The following ZFHX3 variants were observed in gnomAD, a reference collection of about 807,000 sequenced individuals.
ZFHX3 encodes the protein zinc finger homeobox protein 3.
In ZFHX3, 42 loss-of-function variants were observed where a neutral mutation model predicts 279.1. The observed-to-expected ratio is 0.15, with a 90% CI of 0.12 to 0.19. The LOEUF (loss-of-function observed/expected upper bound fraction) is 0.19. Among genes scored for constraint, ZFHX3 ranks in the 10% least tolerant of loss-of-function variants. ZFHX3 has a pLI of 1.00. For synonymous variants in ZFHX3, 2,293 were observed against 1,957.8 expected (o/e 1.17, Z -4.52); for missense variants, 4,981 against 4,754.0 (o/e 1.05, Z -1.40).
intron 5 of ZFHX3, among the ~76,000 whole-genome samples, chr16:73,244,896 C>T (rs530731970): frequency 4.6e-5 from 7 of 152,302 alleles, no homozygotes; most frequent in African/African-American, 1.7e-4. Flanking sequence ...ATGTGACATC[C>T]CCTTTCCCAG....
intron 5 of ZFHX3, among the ~76,000 whole-genome samples, chr16:73,237,913 A>G (rs9932514): frequency 0.19 from 29,005 of 151,908 alleles, 4,779 homozygotes; most frequent in East Asian, 0.45. Context: ...GCTGGTCTAC[A>G]TTTGTACTAT....
chr16:73,809,198 G>T (rs532753432), intron 1 of ZFHX3: 3 of 152,292 alleles, frequency 2.0e-5, no homozygotes, highest in African/African-American at 7.2e-5. Flanking sequence ...GGAATTAAAA[G>T]CCCGCTTTAA....
At chr16:73,847,228 G>A (rs1253381027) in intron 1 of ZFHX3, among the ~76,000 whole-genome samples, 2 of 152,204 alleles carry the variant, frequency 1.3e-5, no homozygotes, top group Non-Finnish European at 2.9e-5. Context: ...TCAAACCCAG[G>A]AGGCAGAGGT....
intron 8 of ZFHX3, among the ~76,000 whole-genome samples, chr16:73,069,834 C>T (rs1965800967): frequency 6.6e-6 from 1 of 152,184 alleles, no homozygotes. Context: ...ATGGTATATC[C>T]TGTCAATCCA....
chr16:73,689,837 T>A (rs543065910), intron 1 of ZFHX3, among the ~76,000 whole-genome samples: 1 of 151,908 alleles, frequency 6.6e-6, no homozygotes, highest in African/African-American at 2.4e-5. Flanking sequence ...TTGTTGTTGT[T>A]TTTTTGAGAT....
intron 4 of ZFHX3, among the ~76,000 whole-genome samples, chr16:73,265,078 C>CGTGT (rs72075949): frequency 0.092 from 13,364 of 145,808 alleles, 952 homozygotes; most frequent in East Asian, 0.43. Context: ...CGCATATATG[C>CGTGT]GTGTGTGTGT....
intron 2 of ZFHX3, among the ~76,000 whole-genome samples, chr16:73,675,512 G>A (rs2052945496): frequency 6.6e-6 from 1 of 151,970 alleles, no homozygotes; most frequent in African/African-American, 2.4e-5. Flanking sequence ...ATATACCCCA[G>A]TAAAGTGCTG....
chr16:73,146,748 C>T (rs916340340), intron 5 of ZFHX3, among the ~76,000 whole-genome samples: 1 of 152,094 alleles, frequency 6.6e-6, no homozygotes, highest in African/African-American at 2.4e-5. Flanking sequence ...CTTGACCTCC[C>T]AGGCTCAAGC....
intron 2 of ZFHX3, among the ~76,000 whole-genome samples, chr16:73,510,713 A>G (rs956755335): frequency 6.6e-6 from 1 of 152,268 alleles, no homozygotes; most frequent in African/African-American, 2.4e-5. Context: ...ACAGCAGCTC[A>G]GATTTCTCTT....
chr16:73,360,874 T>A (rs955286845), intron 3 of ZFHX3, among the ~76,000 whole-genome samples: 4 of 152,076 alleles, frequency 2.6e-5, no homozygotes, highest in African/African-American at 9.7e-5. Flanking sequence ...CACTGTTTTT[T>A]CTAATGGAAC....
intron 3 of ZFHX3, among the ~76,000 whole-genome samples, chr16:73,365,004 C>T (rs2016506011): frequency 1.3e-5 from 2 of 152,296 alleles, no homozygotes; most frequent in South Asian, 2.1e-4. Flanking sequence ...TGCCATGTGC[C>T]CTTGGGGCAT....
chr16:73,819,378 G>C (rs1960670134), intron 1 of ZFHX3, among the ~76,000 whole-genome samples: 1 of 151,106 alleles, frequency 6.6e-6, no homozygotes, highest in African/African-American at 2.4e-5. Flanking sequence ...AGAGTCAAAA[G>C]TTACAGCAGG....
intron 3 of ZFHX3, among the ~76,000 whole-genome samples, chr16:72,898,746 C>A (rs1233135098): frequency 9.0e-4 from 115 of 128,010 alleles, no homozygotes; most frequent in African/African-American, 1.0e-3. Flanking sequence ...AACCCTGTCT[C>A]AAAAAAAAAA....
At chr16:72,935,462 C>T (rs145094804) in intron 3 of ZFHX3, among the ~76,000 whole-genome samples, 300 of 152,254 alleles carry the variant, frequency 2.0e-3, no homozygotes, top group Middle Eastern at 0.01. Flanking sequence ...GTCTTTTGGC[C>T]GGGTGCGGTA....
intron 4 of ZFHX3, among the ~76,000 whole-genome samples, chr16:73,260,237 A>G (rs913395625): frequency 1.3e-5 from 2 of 152,170 alleles, no homozygotes; most frequent in Non-Finnish European, 2.9e-5. Flanking sequence ...CGTTATGTGC[A>G]CCATATGTCA....
chr16:72,957,886 T>C lies in ZFHX3; in HGVS notation c.2260A>G (p.Met754Val), dbSNP rs756876389. ...HMQSDKHLNNMQNLQNGGGEQ... is the reference protein window; with the variant it reads ...HMQSDKHLNNVQNLQNGGGEQ... Reference sequence around the variant, plus strand: ...CCCCCTCCATTCTGCAGGTTCTGCATGTTGTTGAGATGCTTGTCAGACTGC... The same window carrying C: ...CCCCCTCCATTCTGCAGGTTCTGCACGTTGTTGAGATGCTTGTCAGACTGC... The change falls in exon 2 of 10, where the codon ATG (methionine) becomes GTG (valine). Residue 754 changes from methionine (M) to valine (V), a missense_variant. Physicochemically the swap from Met to Val is conservative, Grantham distance 21. Transcript: ENST00000268489. 6.9e-5 allele frequency: 112 copies of C among 1,613,838 alleles called. No homozygotes were observed. Among genetic ancestry groups the C allele is most frequent in the African/African-American group, 1.3e-5 (1 of 74,890 alleles).
At chr16:72,990,660 G>T (rs1333377445) in intron 1 of ZFHX3, among the ~76,000 whole-genome samples, 1 of 152,188 alleles carries the variant, frequency 6.6e-6, no homozygotes, top group Non-Finnish European at 1.5e-5. Context: ...GCAGATATCA[G>T]AGAAGCACTA....
At chr16:72,841,534 G>A (rs2143788210) in intron 4 of ZFHX3, among the ~76,000 whole-genome samples, 1 of 152,280 alleles carries the variant, frequency 6.6e-6, no homozygotes. Flanking sequence ...TGGATCCAAA[G>A]CCTCTGTTTT....
rs1258836566 is a variant in ZFHX3, at chr16:72,783,388, A to G, written c.*3776T>C. 2 of 152,418 alleles carry G rather than the reference A, an allele frequency of 1.3e-5. No individual in the cohort carries two copies. The highest frequency in any genetic ancestry group is 2.9e-5 in the Non-Finnish European group (2 of 68,008). 9.4% of individuals were successfully genotyped at this position (152,418 alleles called of 1,614,324 possible). A position where few individuals can be genotyped will look rare whatever the true frequency, so the allele number is the denominator to read the frequency against. On this transcript the variant is annotated 3_prime_UTR_variant, in exon 10 of 10. Transcript: ENST00000268489. ...AACAAACAACTCAATTTATGCTTCT[A>G]TTTAAAATGTTTTAATTTATTATTT...
Sources: allele counts gnomAD v4.1 joint callset (sites outside exome capture counted in the v4.1 genomes callset), GRCh38; gene constraint gnomAD v4.1.1; transcripts MANE v1.5; gene names NCBI Gene and HGNC (gene_info 2026-07-23, HGNC 2026-07-21).